The following COP1 variants were observed in gnomAD, a reference collection of about 807,000 sequenced individuals.
COP1 encodes E3 ubiquitin-protein ligase COP1.
A neutral mutation model predicts 101.3 loss-of-function variants in COP1; 24 were observed. The observed-to-expected ratio is 0.24, with a 90% CI of 0.17 to 0.33. The LOEUF is 0.33. COP1 is among the 10% of genes least tolerant of loss of function. The pLI is 1.00. For missense variants in COP1, 663 were observed against 906.2 expected (o/e 0.73, Z 3.45); for synonymous variants, 347 against 341.9 (o/e 1.01, Z -0.17).
chr1:176,041,255 A>G (rs1020927933), intron 14 of COP1, among the ~76,000 whole-genome samples: 4 of 152,208 alleles, frequency 2.6e-5, no homozygotes, highest in African/African-American at 9.6e-5. Flanking sequence ...TGTGGAATGA[A>G]TCTAAAAACA....
At chr1:176,193,483 T>C (rs1221292088) in intron 1 of COP1, among the ~76,000 whole-genome samples, 1 of 152,164 alleles carries the variant, frequency 6.6e-6, no homozygotes, top group Non-Finnish European at 1.5e-5. Context: ...CACGGGAACA[T>C]TATTCATAAT....
chr1:176,024,036 T>C (rs766182729), intron 15 of COP1, among the ~76,000 whole-genome samples: 11 of 152,068 alleles, frequency 7.2e-5, no homozygotes, highest in Non-Finnish European at 1.3e-4. Flanking sequence ...GGCAGGCAGA[T>C]CACTTGAGGT....
chr1:176,139,434 A>G (rs118084939), intron 6 of COP1, among the ~76,000 whole-genome samples: 1 of 152,288 alleles, frequency 6.6e-6, no homozygotes, highest in East Asian at 1.9e-4. Flanking sequence ...AAAGAGAACT[A>G]CTATTTGACC....
intron 11 of COP1, among the ~76,000 whole-genome samples, chr1:176,061,864 A>G (rs1674908398): frequency 6.6e-6 from 1 of 152,208 alleles, no homozygotes; most frequent in Admixed American, 6.5e-5. Context: ...ATGTTCCTTG[A>G]AAGACACTAT....
chr1:176,024,525 C>T (rs1667344390), intron 15 of COP1, among the ~76,000 whole-genome samples: 1 of 152,104 alleles, frequency 6.6e-6, no homozygotes. Context: ...ACCTCACAGC[C>T]AACACCATAC....
At chr1:176,056,322 G>C (rs1274736963) in intron 11 of COP1, among the ~76,000 whole-genome samples, 1 of 152,118 alleles carries the variant, frequency 6.6e-6, no homozygotes, top group East Asian at 1.9e-4. Context: ...GGCTTCTACA[G>C]TTTTATTAAC....
intron 15 of COP1, among the ~76,000 whole-genome samples, chr1:176,002,229 T>G (rs1235475666): frequency 1.3e-5 from 2 of 152,160 alleles, no homozygotes; most frequent in African/African-American, 4.8e-5. Flanking sequence ...GCATGCTTGA[T>G]GGTGTCTCCA....
At chr1:176,190,385 T>C (rs1698987615) in intron 1 of COP1, among the ~76,000 whole-genome samples, 1 of 152,038 alleles carries the variant, frequency 6.6e-6, no homozygotes, top group Non-Finnish European at 1.5e-5. Flanking sequence ...AACTTTTACC[T>C]CTTGTCACTG....
At chr1:176,181,262 T>G (rs79386048) in intron 2 of COP1, among the ~76,000 whole-genome samples, 1 of 152,016 alleles carries the variant, frequency 6.6e-6, no homozygotes, top group African/African-American at 2.4e-5. Flanking sequence ...TGGTAATAAT[T>G]TGGATGAGCT....
At position 176,056,797 on chromosome 1, in the gene COP1, CTTTT is replaced by C. The variant is rs373020263; in HGVS notation, c.1278-10477_1278-10474del. On this transcript the variant is annotated intron_variant, in intron 11 of 19. Coordinates refer to ENST00000367669, the MANE Select transcript of COP1 (RefSeq NM_022457.7). ...AAGTATTTGACCATCTGATTTCTTTCTTTTGTTTTCTGTGTTATTCTCCTAAATG... is the reference window on the plus strand; with the variant it reads ...AAGTATTTGACCATCTGATTTCTTTCGTTTTCTGTGTTATTCTCCTAAATG... 3.5e-3 allele frequency among the ~76,000 whole-genome samples: 537 copies of C among 152,128 alleles called. 2 individuals are homozygous for C. The highest frequency in any genetic ancestry group is 0.011 in the African/African-American group (450 of 41,514).
chr1:176,161,800 A>T (rs1010534346), intron 5 of COP1, among the ~76,000 whole-genome samples: 2 of 152,112 alleles, frequency 1.3e-5, no homozygotes, highest in African/African-American at 4.8e-5. Flanking sequence ...CCGACCTCCC[A>T]AACAGATATA....
intron 1 of COP1, among the ~76,000 whole-genome samples, chr1:176,191,056 T>TGC (rs1699068642): frequency 1.3e-5 from 2 of 152,040 alleles, no homozygotes; most frequent in African/African-American, 4.8e-5. Flanking sequence ...TGCCAAACAC[T>TGC]AGCAAATAAC....
At chr1:176,196,371 A>T (rs1415541640) in intron 1 of COP1, among the ~76,000 whole-genome samples, 2 of 152,326 alleles carry the variant, frequency 1.3e-5, no homozygotes, top group East Asian at 3.9e-4. Flanking sequence ...AAACCATTCA[A>T]GGAAAAAAGA....
chr1:176,162,598 A>T (rs1694503912), intron 5 of COP1, among the ~76,000 whole-genome samples: 1 of 152,180 alleles, frequency 6.6e-6, no homozygotes, highest in African/African-American at 2.4e-5. Flanking sequence ...ACTATTTCCT[A>T]TGAAAACGAA....
At chr1:176,187,794 C>A (rs920061187) in intron 1 of COP1, among the ~76,000 whole-genome samples, 4 of 152,062 alleles carry the variant, frequency 2.6e-5, no homozygotes, top group African/African-American at 9.7e-5. Flanking sequence ...GCAGAATACA[C>A]CAAAAAGAGA....
At chr1:176,036,747 T>C (rs1669617114) in intron 14 of COP1, among the ~76,000 whole-genome samples, 1 of 152,204 alleles carries the variant, frequency 6.6e-6, no homozygotes, top group South Asian at 2.1e-4. Flanking sequence ...GTAAAAGTCT[T>C]TGTGTTATTT....
At chr1:175,984,489 T>G (rs1339051495) in intron 18 of COP1, among the ~76,000 whole-genome samples, 2 of 152,216 alleles carry the variant, frequency 1.3e-5, no homozygotes, top group African/African-American at 4.8e-5. Context: ...GGGCCCCTCA[T>G]GGAGAACCTC....
chr1:176,067,962 A>T (rs559332124), intron 11 of COP1, among the ~76,000 whole-genome samples: 5 of 152,162 alleles, frequency 3.3e-5, no homozygotes, highest in African/African-American at 1.2e-4. Flanking sequence ...CAAAGAAACA[A>T]GCCACACCCC....
chr1:176,143,912 A>C (rs1691151726), intron 6 of COP1, among the ~76,000 whole-genome samples: 1 of 152,020 alleles, frequency 6.6e-6, no homozygotes, highest in African/African-American at 2.4e-5. Flanking sequence ...CCCACTCAGA[A>C]ATTTTTTAAA....
Sources: allele counts gnomAD v4.1 joint callset (sites outside exome capture counted in the v4.1 genomes callset), GRCh38; gene constraint gnomAD v4.1.1; transcripts MANE v1.5; gene names NCBI Gene and HGNC (gene_info 2026-07-23, HGNC 2026-07-21).